CUL5: variants seen among roughly 807,000 people sequenced by gnomAD.
The protein encoded by CUL5 is cullin-5.
A neutral mutation model predicts 108.8 loss-of-function variants in CUL5; 26 were observed. That is an observed-to-expected ratio of 0.24 (90% CI 0.18 to 0.33). The LOEUF (loss-of-function observed/expected upper bound fraction) is 0.33. Among genes scored for constraint, CUL5 ranks in the 10% least tolerant of loss-of-function variants. CUL5 has a pLI of 1.00. For missense variants in CUL5, 524 were observed against 909.2 expected, an observed-to-expected ratio of 0.58 and a Z score of 5.45; for synonymous variants, 334 against 298.0, an observed-to-expected ratio of 1.12 and a Z score of -1.25.
intron 1 of CUL5, among the ~76,000 whole-genome samples, chr11:108,016,224 G>A (rs1199649946): frequency 2.0e-5 from 3 of 149,724 alleles, no homozygotes; most frequent in East Asian, 2.0e-4. Flanking sequence ...AGCCAGAGAG[G>A]TTTTTCTTTT....
At chr11:108,024,010 A>G (rs1308403418) in intron 1 of CUL5, among the ~76,000 whole-genome samples, 3 of 152,186 alleles carry the variant, frequency 2.0e-5, no homozygotes, top group Non-Finnish European at 2.9e-5. Flanking sequence ...AATTGTCACT[A>G]AATTTTTATA....
chr11:108,084,756 A>T (rs1355681634), intron 11 of CUL5, among the ~76,000 whole-genome samples: 1 of 152,348 alleles, frequency 6.6e-6, no homozygotes, highest in Admixed American at 6.5e-5. Flanking sequence ...TAATAGCTTA[A>T]CCACAATGAG....
intron 1 of CUL5, among the ~76,000 whole-genome samples, chr11:108,019,123 A>G (rs750429217): frequency 1.4e-5 from 2 of 142,348 alleles, no homozygotes; most frequent in Non-Finnish European, 3.0e-5. Context: ...GAGGATGTGC[A>G]TGGGTAATAA....
At chr11:108,024,240 G>C (rs1411964596) in intron 1 of CUL5, among the ~76,000 whole-genome samples, 1 of 152,124 alleles carries the variant, frequency 6.6e-6, no homozygotes, top group Non-Finnish European at 1.5e-5. Flanking sequence ...CTTAATCTCA[G>C]GTTGTACAGT....
At chr11:108,080,882 GT>G (rs1162221862) in intron 11 of CUL5, among the ~76,000 whole-genome samples, 2 of 151,920 alleles carry the variant, frequency 1.3e-5, no homozygotes, top group African/African-American at 2.4e-5. Context: ...ATTAAGTTCA[GT>G]TTACCTATTT....
Position 108,094,526 on chromosome 11 carries a change from T to C in CUL5, c.1567+12T>C, listed in dbSNP as rs533926410. The stretch of plus-strand genomic sequence containing the variant: ...ATTGGCATTACCAGGTATTATTTTA[T>C]AATTACATGTATATATTTTTTAAAC... On this transcript the variant is annotated intron_variant, in intron 14 of 18. Transcript: ENST00000393094. 6.3e-6 allele frequency: 8 copies of C among 1,265,272 alleles called. 1 individual carries two copies. The South Asian group carries it at 1.0e-4, about 16-fold the overall frequency. The allele number at this position is 1,265,272 out of a possible 1,614,324, so 78.4% of individuals were successfully genotyped here. A position where few individuals can be genotyped will look rare whatever the true frequency, so the allele number is the denominator to read the frequency against.
intron 10 of CUL5, among the ~76,000 whole-genome samples, chr11:108,077,630 CAAAAAAAAA>C (rs35289099): frequency 4.4e-5 from 6 of 136,670 alleles, no homozygotes; most frequent in African/African-American, 8.4e-5. Flanking sequence ...ACTCTGTCTC[CAAAAAAAAA>C]AAAAGAAAAA....
chr11:108,032,049 C>G (rs922366521), intron 1 of CUL5, among the ~76,000 whole-genome samples: 1 of 152,108 alleles, frequency 6.6e-6, no homozygotes, highest in Admixed American at 6.6e-5. Context: ...GGGAGAGGAT[C>G]AGGAAAAATA....
intron 7 of CUL5, among the ~76,000 whole-genome samples, chr11:108,063,610 A>G (rs1863600445): frequency 6.7e-6 from 1 of 148,542 alleles, no homozygotes; most frequent in African/African-American, 2.4e-5. Flanking sequence ...TAAAATTTAA[A>G]GTATAATGAT....
intron 1 of CUL5, among the ~76,000 whole-genome samples, chr11:108,019,378 A>G (rs941348553): frequency 6.6e-5 from 10 of 152,220 alleles, no homozygotes; most frequent in African/African-American, 2.4e-4. Context: ...TCAAATAACT[A>G]ACCTCATAAT....
chr11:108,009,404 G>C (rs771987785), intron 1 of CUL5, 32 bp downstream of exon 1: 1 of 1,612,778 alleles, frequency 6.2e-7, no homozygotes, highest in African/African-American at 1.3e-5. Flanking sequence ...GGGTTTTACT[G>C]TGTGGCCGCC....
chr11:108,057,064 A>G (rs1410428733), intron 7 of CUL5, among the ~76,000 whole-genome samples: 1 of 152,156 alleles, frequency 6.6e-6, no homozygotes, highest in Non-Finnish European at 1.5e-5. Flanking sequence ...AATTGTTCTG[A>G]TCTCCTACTG....
intron 17 of CUL5, among the ~76,000 whole-genome samples, chr11:108,097,994 G>A (rs889972503): frequency 1.3e-5 from 2 of 152,212 alleles, no homozygotes; most frequent in East Asian, 3.9e-4. Context: ...CTTTCAGGTT[G>A]ATATCTTTTT....
chr11:108,078,783 A>G (rs1378810515), intron 11 of CUL5, among the ~76,000 whole-genome samples: 1 of 152,180 alleles, frequency 6.6e-6, no homozygotes, highest in Non-Finnish European at 1.5e-5. Context: ...ATTTTAAAGA[A>G]ATTTTATATA....
intron 7 of CUL5, among the ~76,000 whole-genome samples, chr11:108,068,931 G>T (rs1028422868): frequency 1.3e-5 from 2 of 152,116 alleles, no homozygotes; most frequent in Admixed American, 1.3e-4. Context: ...GACTTGAGGA[G>T]AGGAGAATCT....
At position 108,092,087 on chromosome 11, in the gene CUL5, A is replaced by T. The variant is rs557521222; in HGVS notation, c.1444-2304A>T. Among the ~76,000 whole-genome samples, 7 of 152,262 alleles carry T rather than the reference A, an allele frequency of 4.6e-5. No individual in the cohort carries two copies. In the East Asian group the frequency reaches 1.4e-3, roughly 29 times the overall value. The stretch of plus-strand genomic sequence containing the variant: ...AGAAGTTCAAAGTTGTAATGAGCTG[A>T]GATTGTGCCACTGCACTGCAGCCTG... On this transcript the variant is annotated intron_variant, in intron 13 of 18. Coordinates refer to ENST00000393094, the MANE Select transcript of CUL5 (RefSeq NM_003478.6).
chr11:108,071,032 G>A (rs978756074), intron 8 of CUL5, among the ~76,000 whole-genome samples: 1 of 152,156 alleles, frequency 6.6e-6, no homozygotes, highest in Non-Finnish European at 1.5e-5. Flanking sequence ...GTGAGGTAGG[G>A]TTTTTGTGAA....
intron 1 of CUL5, among the ~76,000 whole-genome samples, chr11:108,032,379 G>A (rs117793310): frequency 0.017 from 2,518 of 152,112 alleles, 46 homozygotes; most frequent in Non-Finnish European, 0.02. Context: ...ATGGTGGTGC[G>A]CACGTGTAGT....
intron 7 of CUL5, among the ~76,000 whole-genome samples, chr11:108,060,296 G>T (rs1863501425): frequency 6.6e-6 from 1 of 152,084 alleles, no homozygotes; most frequent in African/African-American, 2.4e-5. Flanking sequence ...AAACTAGAAA[G>T]GCCAGGAAAT....
Sources: gnomAD v4.1 joint callset for allele counts (sites outside exome capture counted in the v4.1 genomes callset) on GRCh38, gnomAD v4.1.1 for gene constraint, MANE v1.5 for transcripts, NCBI Gene and HGNC (gene_info 2026-07-23, HGNC 2026-07-21) for gene names.